The following ALDH3B2 variants were observed in gnomAD, a reference collection of about 807,000 sequenced individuals.
The protein encoded by ALDH3B2 is aldehyde dehydrogenase family 3 member B2.
ALDH3B2 carries 45 observed loss-of-function variants against 36.7 expected under a neutral mutation model. The observed-to-expected ratio is 1.23, with a 90% CI of 0.97 to 1.57. ALDH3B2 has a LOEUF of 1.57. Ranked by LOEUF, ALDH3B2 falls within the 40% of genes most tolerant of loss-of-function variation. The probability of loss-of-function intolerance (pLI) is 0.00; values close to 1 mark genes in which losing one functional copy is unlikely to be tolerated. For missense variants in ALDH3B2, 464 were observed against 513.3 expected (o/e 0.90, Z 0.93); for synonymous variants, 217 against 226.5 (o/e 0.96, Z 0.38).
At chr11:67,676,545 C>A (rs1337764811), upstream of ALDH3B2, among the ~76,000 whole-genome samples, 1 of 151,478 alleles carries the variant, frequency 6.6e-6, no homozygotes, top group Non-Finnish European at 1.5e-5. Context: ...CCTCAAGGAA[C>A]AGAGGAACGA....
chr11:67,669,787 T>C (rs1456702326), intron 1 of ALDH3B2, among the ~76,000 whole-genome samples: 35 of 131,278 alleles, frequency 2.7e-4, no homozygotes, highest in South Asian at 5.4e-4. Flanking sequence ...TGTCTGTGTG[T>C]GTATGGGTGT....
At chr11:67,678,242 A>C (rs1856305629), upstream of ALDH3B2, among the ~76,000 whole-genome samples, 1 of 152,250 alleles carries the variant, frequency 6.6e-6, no homozygotes, top group Admixed American at 6.5e-5. Flanking sequence ...CATAGTCACC[A>C]AAACAGTGAC....
chr11:67,679,604 C>G (rs184050737), upstream of ALDH3B2, among the ~76,000 whole-genome samples: 534 of 151,904 alleles, frequency 3.5e-3, 5 homozygotes, highest in African/African-American at 0.012. Flanking sequence ...ACAGTGAAAC[C>G]CTGTCTCTAC....
chr11:67,676,053 C>T (rs1296595626), upstream of ALDH3B2, among the ~76,000 whole-genome samples: 3 of 152,136 alleles, frequency 2.0e-5, no homozygotes, highest in Admixed American at 1.3e-4. Flanking sequence ...CCAGAACAGC[C>T]TGGCCAACAT....
intron 1 of ALDH3B2, among the ~76,000 whole-genome samples, chr11:67,668,923 A>G (rs1433270681): frequency 7.8e-6 from 1 of 127,702 alleles, no homozygotes; most frequent in African/African-American, 3.1e-5. Context: ...CTGTATGTGT[A>G]TGGGAGTCTG....
At chr11:67,663,001 T>G in exon 10 of ALDH3B2, 1 of 609,546 alleles carries the variant, frequency 1.6e-6, no homozygotes, top group Non-Finnish European at 2.8e-6. Context: ...TGGCATGTTC[T>G]GCGGCCTCTT....
intron 1 of ALDH3B2, among the ~76,000 whole-genome samples, chr11:67,673,267 G>A (rs1017554191): frequency 3.3e-5 from 5 of 152,136 alleles, no homozygotes; most frequent in African/African-American, 1.2e-4. Context: ...TTTACACTGG[G>A]GACCTCTGGC....
intron 7 of ALDH3B2, 41 bp downstream of exon 7, chr11:67,665,244 G>T (rs1353703757): frequency 6.4e-6 from 10 of 1,562,990 alleles, no homozygotes; most frequent in Non-Finnish European, 8.7e-6. Flanking sequence ...TTGAGAAAGG[G>T]TCTTGGCCCA....
upstream of ALDH3B2, among the ~76,000 whole-genome samples, chr11:67,679,471 A>C (rs12285813): frequency 0.042 from 6,373 of 151,618 alleles, 422 homozygotes; most frequent in African/African-American, 0.14. Context: ...ACTCCATCTC[A>C]AAAGAAAAAA....
At chr11:67,678,705 G>A (rs1005834636), upstream of ALDH3B2, among the ~76,000 whole-genome samples, 63 of 48,290 alleles carry the variant, frequency 1.3e-3, 1 homozygote, top group African/African-American at 2.7e-3. Flanking sequence ...ACACTATGGT[G>A]TCTATATATA....
At position 67,665,320 on chromosome 11, in the gene ALDH3B2, A is replaced by G. The variant is rs201373803; in HGVS notation, c.671T>C (p.Ile224Thr). Residue 224 changes from isoleucine to threonine, a missense_variant, in exon 7 of 10, where the codon ATT (isoleucine) becomes ACT (threonine). By Grantham distance (89) the Ile-to-Thr change is moderately conservative (BLOSUM62 -1). Coordinates refer to ENST00000349015, the Ensembl canonical transcript of ALDH3B2. ...ATCGCTCTCGTTGCTCTGGCCCCCAATGGCCACGCGGCTGCAGCCCAGCAA... is the reference window on the plus strand; with the variant it reads ...ATCGCTCTCGTTGCTCTGGCCCCCAGTGGCCACGCGGCTGCAGCCCAGCAA... 763 of 1,611,238 alleles carry G rather than the reference A, an allele frequency of 4.7e-4. 7 individuals carry two copies. In the East Asian group the frequency reaches 0.014, roughly 29 times the overall value.
At chr11:67,667,739 A>C in intron 1 of ALDH3B2, 104 bp from the exon 2 acceptor site, 2 of 223,716 alleles carry the variant, frequency 8.9e-6, no homozygotes, top group Non-Finnish European at 1.7e-5. Flanking sequence ...ACCTGCACCC[A>C]TGGGGGCTCA....
At chr11:67,671,540 TCCCC>T (rs56238526) in intron 1 of ALDH3B2, among the ~76,000 whole-genome samples, 26 of 145,018 alleles carry the variant, frequency 1.8e-4, no homozygotes, top group Admixed American at 3.4e-4. Context: ...CCAACCTGCC[TCCCC>T]CCCCTTTTTT....
chr11:67,674,155 C>G (rs553949060), intron 1 of ALDH3B2, among the ~76,000 whole-genome samples: 222 of 152,276 alleles, frequency 1.5e-3, no homozygotes, highest in Non-Finnish European at 2.7e-3. Flanking sequence ...GGGGTCTGTC[C>G]CCATCCCTGG....
rs1855933918 is a variant in ALDH3B2, at chr11:67,666,843, G to A, written c.30+63C>T. On this transcript the variant is annotated intron_variant, in intron 3 of 9. Transcript: ENST00000349015. The stretch of plus-strand genomic sequence containing the variant: ...GCCCGGGGCCTCAGGGGCAGAAGGG[G>A]GCCTGGGCCAGAGCTACCCGGTGCC... The A allele has an allele frequency of 2.5e-6, 4 of 1,612,838 alleles. No individual in the cohort carries two copies. The South Asian group carries it at 4.4e-5, about 18-fold the overall frequency.
intron 1 of ALDH3B2, among the ~76,000 whole-genome samples, chr11:67,669,190 G>A (rs150210540): frequency 6.6e-6 from 1 of 150,820 alleles, no homozygotes; most frequent in South Asian, 2.1e-4. Context: ...ATGGCTATGT[G>A]TGTGTCTGTG....
At chr11:67,674,038 C>T (rs1249363101) in intron 1 of ALDH3B2, among the ~76,000 whole-genome samples, 3 of 152,218 alleles carry the variant, frequency 2.0e-5, no homozygotes, top group Non-Finnish European at 2.9e-5. Context: ...TTCCAATCCC[C>T]GATTCTCCGG....
chr11:67,663,526 C>T, intron 9 of ALDH3B2, 127 bp from the exon 10 acceptor site: 1 of 1,376,864 alleles, frequency 7.3e-7, no homozygotes. Flanking sequence ...CTCACAGAGC[C>T]ATTTTACAGA....
chr11:67,666,193 G>A, exon 6 of ALDH3B2: 1 of 1,614,064 alleles, frequency 6.2e-7, no homozygotes. Context: ...CAGCACCACG[G>A]CAAAGCAGCT....
Sources: allele counts gnomAD v4.1 joint callset (sites outside exome capture counted in the v4.1 genomes callset), GRCh38; gene constraint gnomAD v4.1.1; transcripts MANE v1.5; gene names NCBI Gene and HGNC (gene_info 2026-07-23, HGNC 2026-07-21).